The following SCNN1B variants were observed in gnomAD, a reference collection of about 807,000 sequenced individuals.
SCNN1B encodes epithelial sodium channel subunit beta.
In SCNN1B, 46 loss-of-function variants were observed where a neutral mutation model predicts 65.3. The ratio of observed to expected loss-of-function variants is 0.70; its 90% CI spans 0.56 to 0.90. The LOEUF is 0.90. Among genes scored for constraint, SCNN1B ranks in the 40% least tolerant of loss-of-function variants. The pLI is 0.00. For missense variants in SCNN1B, 751 were observed against 830.5 expected (o/e 0.90, Z 1.18); for synonymous variants, 349 against 330.6 (o/e 1.06, Z -0.60).
At chr16:23,289,054 C>A (rs1213440102) in intron 2 of SCNN1B, among the ~76,000 whole-genome samples, 1 of 152,174 alleles carries the variant, frequency 6.6e-6, no homozygotes, top group East Asian at 1.9e-4. Flanking sequence ...CATCCCATCA[C>A]CCTTGCCATC....
At chr16:23,325,432 A>T (rs1257568076) in intron 1 of SCNN1B, among the ~76,000 whole-genome samples, 9 of 151,414 alleles carry the variant, frequency 5.9e-5, no homozygotes, top group Admixed American at 5.9e-4. Context: ...ATGCCCAGCT[A>T]ATTTTTGCAT....
intron 4 of SCNN1B, among the ~76,000 whole-genome samples, chr16:23,361,584 T>G (rs1310589845): frequency 6.6e-6 from 1 of 152,252 alleles, no homozygotes; most frequent in African/African-American, 2.4e-5. Context: ...AGATTTAGGT[T>G]GTAATCCAAT....
intron 2 of SCNN1B, among the ~76,000 whole-genome samples, chr16:23,290,744 A>C (rs571844388): frequency 6.6e-6 from 1 of 152,368 alleles, no homozygotes; most frequent in East Asian, 1.9e-4. Context: ...AACCCTCACT[A>C]GCTAGAAAGG....
intron 1 of SCNN1B, among the ~76,000 whole-genome samples, chr16:23,312,096 C>A (rs1294019709): frequency 6.6e-6 from 1 of 152,140 alleles, no homozygotes; most frequent in Non-Finnish European, 1.5e-5. Context: ...TTACCCCAGG[C>A]TGTCTGGGGA....
chr16:23,375,367 G>T (rs1243592728), intron 7 of SCNN1B, among the ~76,000 whole-genome samples: 1 of 152,184 alleles, frequency 6.6e-6, no homozygotes, highest in Non-Finnish European at 1.5e-5. Flanking sequence ...TCAGGTGCTT[G>T]GACGGAGGCT....
intron 6 of SCNN1B, 139 bp downstream of exon 6, chr16:23,371,601 C>T (rs1962786194): frequency 1.9e-6 from 2 of 1,076,468 alleles, no homozygotes. Context: ...TGGAATCCCC[C>T]CAGGGTGGCC....
rs371028184 is a variant in SCNN1B, at chr16:23,326,835, T to A, written c.-8-21757T>A. 9.0e-4 allele frequency among the ~76,000 whole-genome samples: 137 copies of A among 152,276 alleles called. 1 individual carries two copies. Among genetic ancestry groups the A allele is most frequent in the Middle Eastern group, 3.4e-3 (1 of 294 alleles). The stretch of plus-strand genomic sequence containing the variant: ...TTTGCTACATGGATATACTGCCTAG[T>A]GGTGACGTCTGGGTTTTCAGTGTAA... On this transcript the variant is annotated intron_variant, in intron 1 of 12. Coordinates refer to ENST00000343070, the MANE Select transcript of SCNN1B (RefSeq NM_000336.3).
intron 2 of SCNN1B, among the ~76,000 whole-genome samples, chr16:23,350,717 A>T (rs1962290514): frequency 6.6e-6 from 1 of 152,196 alleles, no homozygotes; most frequent in Admixed American, 6.5e-5. Context: ...GTTCGAGACC[A>T]GCCTGCCCAA....
chr16:23,371,161 T>A (rs958295736), intron 5 of SCNN1B, 138 bp from the exon 6 acceptor site: 2 of 894,390 alleles, frequency 2.2e-6, no homozygotes, highest in East Asian at 2.7e-5. Flanking sequence ...GAGGACTGAG[T>A]TTTTGCAAAG....
intron 1 of SCNN1B, among the ~76,000 whole-genome samples, chr16:23,326,550 T>G (rs550721162): frequency 1.3e-5 from 2 of 151,994 alleles, no homozygotes; most frequent in African/African-American, 4.8e-5. Flanking sequence ...CTGCAAACTC[T>G]GCCTCCCAGG....
chr16:23,316,262 A>G lies in SCNN1B; in HGVS notation c.-9+13825A>G, dbSNP rs538085297. 3.3e-5 allele frequency among the ~76,000 whole-genome samples: 5 copies of G among 149,630 alleles called. No individual in the cohort carries two copies. The East Asian group carries it at 8.0e-4, about 24-fold the overall frequency. ...CATCACCACCATCATCACAACCATT[A>G]TCACCATCTTCACCATCACCACCAT... On this transcript the variant is annotated intron_variant, in intron 1 of 12. Transcript: ENST00000343070.
chr16:23,334,771 G>A (rs1961901703), intron 1 of SCNN1B, among the ~76,000 whole-genome samples: 1 of 152,200 alleles, frequency 6.6e-6, no homozygotes, highest in South Asian at 2.1e-4. Flanking sequence ...ATGCACCAAA[G>A]CACACTTACT....
At chr16:23,350,105 C>T (rs1962277827) in intron 2 of SCNN1B, among the ~76,000 whole-genome samples, 1 of 151,940 alleles carries the variant, frequency 6.6e-6, no homozygotes, top group Admixed American at 6.6e-5. Flanking sequence ...TAAATAAAAC[C>T]ACTCTTCAAC....
At position 23,378,723 on chromosome 16, in the gene SCNN1B, C is replaced by T; in HGVS notation, c.1422C>T (p.Val474=). Reference sequence around the variant, plus strand: ...GGTTCCAGGACTGGATTTTCCACGTCTTGTCTCAGGAGCGGGACCAAAGCA... The same window carrying T: ...GGTTCCAGGACTGGATTTTCCACGTTTTGTCTCAGGAGCGGGACCAAAGCA... ...SEASEDWIFH[V]LSQERDQSTN... is the part of the protein sequence containing the mutation. Residue 474 remains valine, a synonymous_variant, in exon 11 of 13, where the codon GTC becomes GTT. Transcript: ENST00000343070. 1 of 1,614,156 alleles carries T rather than the reference C, an allele frequency of 6.2e-7. No individual in the cohort carries two copies. The highest frequency in any genetic ancestry group is 1.1e-5 in the South Asian group (1 of 91,080).
intron 2 of SCNN1B, among the ~76,000 whole-genome samples, chr16:23,292,785 T>C (rs1328009937): frequency 1.3e-5 from 2 of 149,834 alleles, no homozygotes; most frequent in Non-Finnish European, 3.0e-5. Context: ...ATTATGGGCA[T>C]GAGCCACTGT....
At chr16:23,290,737 C>T (rs775463455) in intron 2 of SCNN1B, among the ~76,000 whole-genome samples, 2 of 152,098 alleles carry the variant, frequency 1.3e-5, no homozygotes, top group Non-Finnish European at 2.9e-5. Context: ...AGCTGTAAAC[C>T]CTCACTAGCT....
chr16:23,291,676 G>A (rs1960927047), intron 2 of SCNN1B, among the ~76,000 whole-genome samples: 1 of 151,514 alleles, frequency 6.6e-6, no homozygotes, highest in South Asian at 2.1e-4. Context: ...CGAGGTTTGG[G>A]CGATCCTCTT....
intron 5 of SCNN1B, among the ~76,000 whole-genome samples, chr16:23,370,633 C>T (rs1323268621): frequency 1.3e-5 from 2 of 152,150 alleles, no homozygotes; most frequent in Admixed American, 6.6e-5. Context: ...AGGAAAGTTC[C>T]GGGGCTAGGA....
chr16:23,330,243 T>C (rs1171678523), intron 1 of SCNN1B, among the ~76,000 whole-genome samples: 1 of 152,170 alleles, frequency 6.6e-6, no homozygotes, highest in Non-Finnish European at 1.5e-5. Context: ...CTTCCAGCTC[T>C]TGTCCGGCAT....
Sources: gnomAD v4.1 joint callset for allele counts (sites outside exome capture counted in the v4.1 genomes callset) on GRCh38, gnomAD v4.1.1 for gene constraint, MANE v1.5 for transcripts, NCBI Gene and HGNC (gene_info 2026-07-23, HGNC 2026-07-21) for gene names.